UTRN: variants seen among roughly 807,000 people sequenced by gnomAD.
UTRN encodes the protein utrophin, also known as dystrophin-related protein 1.
In UTRN, 283 loss-of-function variants were observed where a neutral mutation model predicts 463.9. That is an observed-to-expected ratio of 0.61 (90% CI 0.55 to 0.67). The LOEUF is 0.67. Among genes scored for constraint, UTRN ranks in the 30% least tolerant of loss-of-function variants. The probability of loss-of-function intolerance (pLI) is 0.00; values close to 1 mark genes in which losing one functional copy is unlikely to be tolerated. For synonymous variants in UTRN, 1,442 were observed against 1,431.5 expected, an observed-to-expected ratio of 1.01 and a Z score of -0.17; for missense variants, 3,922 against 4,084.3, an observed-to-expected ratio of 0.96 and a Z score of 1.08.
chr6:144,603,345 C>T (rs896184116), intron 51 of UTRN, among the ~76,000 whole-genome samples: 2 of 152,168 alleles, frequency 1.3e-5, no homozygotes, highest in Non-Finnish European at 2.9e-5. Context: ...TGCGAGGTGG[C>T]TTTCCAGAAA....
chr6:144,690,538 A>T (rs928095276), intron 52 of UTRN, among the ~76,000 whole-genome samples: 5 of 152,026 alleles, frequency 3.3e-5, no homozygotes, highest in Admixed American at 1.3e-4. Flanking sequence ...AAGCAGGGGC[A>T]CCCAGCTCCT....
chr6:144,487,970 G>C (rs1329716295), intron 29 of UTRN, among the ~76,000 whole-genome samples: 1 of 152,146 alleles, frequency 6.6e-6, no homozygotes, highest in Non-Finnish European at 1.5e-5. Context: ...TATGATAGCT[G>C]TATATAAGAA....
At chr6:144,731,669 T>G (rs909098294) in intron 54 of UTRN, among the ~76,000 whole-genome samples, 2 of 152,142 alleles carry the variant, frequency 1.3e-5, no homozygotes, top group Non-Finnish European at 2.9e-5. Flanking sequence ...ACTAGTTGTA[T>G]ATATGTGTGT....
intron 2 of UTRN, among the ~76,000 whole-genome samples, chr6:144,292,929 C>G (rs1476405521): frequency 6.6e-6 from 1 of 152,162 alleles, no homozygotes; most frequent in East Asian, 1.9e-4. Flanking sequence ...TACACATTTT[C>G]CTCCATGATA....
At chr6:144,494,657 T>C (rs1793418055) in intron 33 of UTRN, among the ~76,000 whole-genome samples, 1 of 152,222 alleles carries the variant, frequency 6.6e-6, no homozygotes, top group Non-Finnish European at 1.5e-5. Flanking sequence ...TTACAATCCC[T>C]GAGCTAGACA....
chr6:144,557,095 T>C, intron 49 of UTRN, 62 bp from the exon 50 acceptor site: 1 of 1,554,440 alleles, frequency 6.4e-7, no homozygotes, highest in East Asian at 2.3e-5. Context: ...AGTACCATTG[T>C]TTTGATTATA....
chr6:144,490,225 T>A (rs1402732083), intron 31 of UTRN, 26 bp downstream of exon 31: 1 of 1,575,044 alleles, frequency 6.3e-7, no homozygotes, highest in Non-Finnish European at 8.6e-7. Flanking sequence ...AGCTTCCTTT[T>A]ACTTTTCAAC....
chr6:144,499,250 G>A lies in UTRN; in HGVS notation c.4594-7G>A, dbSNP rs371100329. The A allele has an allele frequency of 5.5e-5, 88 of 1,608,712 alleles. No homozygotes were observed. Among genetic ancestry groups the A allele is most frequent in the Admixed American group, 8.4e-5 (5 of 59,846 alleles). On this transcript the variant is annotated splice_polypyrimidine_tract_variant and splice_region_variant and intron_variant, in intron 33 of 74. Transcript: ENST00000367545. The stretch of plus-strand genomic sequence containing the variant: ...TCTCAGTCTCTCCCTGCCTCTCTCC[G>A]TCTCAGGTGACAGAAGGAAAACAGG...
chr6:144,450,463 G>C (rs1409320053), intron 17 of UTRN, among the ~76,000 whole-genome samples: 1 of 152,162 alleles, frequency 6.6e-6, no homozygotes, highest in Non-Finnish European at 1.5e-5. Context: ...TAATGCTGTT[G>C]TTCTCCTTTA....
At chr6:144,524,279 T>G (rs531360496) in intron 41 of UTRN, among the ~76,000 whole-genome samples, 268 of 152,192 alleles carry the variant, frequency 1.8e-3, no homozygotes, top group Non-Finnish European at 2.5e-3. Context: ...TTATATTTCA[T>G]TAGGCTTGAT....
chr6:144,773,810 G>A (rs1480440079), intron 59 of UTRN, among the ~76,000 whole-genome samples: 1 of 152,230 alleles, frequency 6.6e-6, no homozygotes, highest in East Asian at 1.9e-4. Context: ...AGAATCTTCA[G>A]GAGAGAAGGG....
chr6:144,496,927 A>T (rs1793702256), intron 33 of UTRN, among the ~76,000 whole-genome samples: 1 of 152,196 alleles, frequency 6.6e-6, no homozygotes, highest in South Asian at 2.1e-4. Flanking sequence ...CTAAGGCAGG[A>T]GGCAGTGTGG....
intron 23 of UTRN, among the ~76,000 whole-genome samples, chr6:144,464,944 G>A (rs11965751): frequency 1.4e-3 from 212 of 152,228 alleles, no homozygotes; most frequent in African/African-American, 4.8e-3. Context: ...ATTCTCAACC[G>A]GGGTGATTTT....
At chr6:144,407,545 T>G (rs1418463104) in intron 3 of UTRN, among the ~76,000 whole-genome samples, 1 of 152,256 alleles carries the variant, frequency 6.6e-6, no homozygotes, top group Non-Finnish European at 1.5e-5. Flanking sequence ...TTGGACTTAA[T>G]GCATATTATT....
At chr6:144,374,225 A>G (rs1780245845) in intron 2 of UTRN, among the ~76,000 whole-genome samples, 1 of 152,204 alleles carries the variant, frequency 6.6e-6, no homozygotes, top group Non-Finnish European at 1.5e-5. Context: ...AATAAGGTAA[A>G]TATTTTACAT....
At chr6:144,366,967 A>G (rs1201596454) in intron 2 of UTRN, among the ~76,000 whole-genome samples, 2 of 150,568 alleles carry the variant, frequency 1.3e-5, no homozygotes, top group African/African-American at 4.9e-5. Context: ...TGGTATCTCT[A>G]CTTGCATTTT....
chr6:144,530,167 A>G (rs1248573948), intron 41 of UTRN, among the ~76,000 whole-genome samples: 2 of 152,200 alleles, frequency 1.3e-5, no homozygotes, highest in Non-Finnish European at 2.9e-5. Context: ...TAAACAACAG[A>G]CATTTACTTT....
chr6:144,416,039 A>ATG (rs1003353381), intron 3 of UTRN, among the ~76,000 whole-genome samples: 6 of 150,958 alleles, frequency 4.0e-5, no homozygotes, highest in East Asian at 2.0e-4. Context: ...TAGTCCGTGG[A>ATG]TGTGTGTGTG....
At chr6:144,539,933 C>T in intron 45 of UTRN, among the ~76,000 whole-genome samples, 1 of 151,282 alleles carries the variant, frequency 6.6e-6, no homozygotes, top group East Asian at 2.0e-4. Flanking sequence ...ATCGCAGCTA[C>T]TTGGGAGGCC....
Sources: gnomAD v4.1 joint callset for allele counts (sites outside exome capture counted in the v4.1 genomes callset) on GRCh38, gnomAD v4.1.1 for gene constraint, MANE v1.5 for transcripts, NCBI Gene and HGNC (gene_info 2026-07-23, HGNC 2026-07-21) for gene names.